Variants in PMM2 observed in about 807,000 individuals in gnomAD.
PMM2 encodes the protein mannose-6-phosphate isomerase.
A neutral mutation model predicts 33.2 loss-of-function variants in PMM2; 35 were observed. The observed-to-expected ratio is 1.06, with a 90% CI of 0.81 to 1.40. The LOEUF is 1.40. Ranked by LOEUF, PMM2 falls within the 40% of genes most tolerant of loss-of-function variation. PMM2 has a pLI of 0.00. For missense variants in PMM2, 386 were observed against 306.0 expected (o/e 1.26, Z -1.95); for synonymous variants, 153 against 114.7 (o/e 1.33, Z -2.13).
At chr16:8,826,470 G>C (rs2060768958) in intron 7 of PMM2, among the ~76,000 whole-genome samples, 2 of 152,048 alleles carry the variant, frequency 1.3e-5, no homozygotes, top group African/African-American at 2.4e-5. Context: ...CTCTAAAGTA[G>C]GTAAATTGAA....
chr16:8,836,120 G>C (rs1010484939), intron 7 of PMM2, among the ~76,000 whole-genome samples: 4 of 151,320 alleles, frequency 2.6e-5, no homozygotes, highest in Non-Finnish European at 5.9e-5. Flanking sequence ...CAACAGTTAC[G>C]GAGGCAAGGG....
intron 7 of PMM2, among the ~76,000 whole-genome samples, chr16:8,826,347 G>A (rs1202230784): frequency 6.6e-6 from 1 of 152,070 alleles, no homozygotes; most frequent in African/African-American, 2.4e-5. Context: ...TACATACCAA[G>A]TGCAGAGCCT....
chr16:8,820,731 C>T (rs1428477581), intron 7 of PMM2, among the ~76,000 whole-genome samples: 2 of 152,184 alleles, frequency 1.3e-5, no homozygotes, highest in Non-Finnish European at 2.9e-5. Flanking sequence ...GGGCCTGACT[C>T]AGGAAAGGCA....
intron 7 of PMM2, among the ~76,000 whole-genome samples, chr16:8,820,226 C>T (rs1247600484): frequency 1.3e-5 from 2 of 151,970 alleles, no homozygotes; most frequent in Admixed American, 1.3e-4. Context: ...ACAAAATTAG[C>T]TTAAAAGAGG....
At chr16:8,807,681 G>C (rs1275365716) in intron 4 of PMM2, 1 of 152,528 alleles carries the variant, frequency 6.6e-6, no homozygotes. Flanking sequence ...TTTTTGTAGA[G>C]ATAGGGTCTT....
intron 7 of PMM2, among the ~76,000 whole-genome samples, chr16:8,836,711 T>G (rs1310854942): frequency 6.6e-6 from 1 of 152,144 alleles, no homozygotes; most frequent in Non-Finnish European, 1.5e-5. Context: ...GCAGATTGGG[T>G]AATAAAATGT....
intron 7 of PMM2, chr16:8,832,056 A>C: frequency 1.3e-6 from 1 of 785,434 alleles, no homozygotes; most frequent in Non-Finnish European, 1.5e-6. Context: ...CTCTAGCCTT[A>C]TTATTCTAGA....
At chr16:8,843,959 A>C (rs568870933) in intron 7 of PMM2, among the ~76,000 whole-genome samples, 1 of 152,174 alleles carries the variant, frequency 6.6e-6, no homozygotes, top group East Asian at 1.9e-4. Flanking sequence ...GGCGGGAGGG[A>C]AAGAAGGAAG....
intron 1 of PMM2, among the ~76,000 whole-genome samples, chr16:8,798,268 G>T (rs1233573479): frequency 6.6e-6 from 1 of 152,144 alleles, no homozygotes. Context: ...CCAAGATCAG[G>T]CCCCCTTATC....
At chr16:8,832,668 A>AC in intron 7 of PMM2, 1 of 985,074 alleles carries the variant, frequency 1.0e-6, no homozygotes, top group Non-Finnish European at 1.2e-6. Flanking sequence ...TTGCGTCCTC[A>AC]CCCCGCACCC....
At chr16:8,802,428 AATGTAGC>A (rs2060621782) in intron 2 of PMM2, 1 of 383,830 alleles carries the variant, frequency 2.6e-6, no homozygotes. Flanking sequence ...CAACCTTGCT[AATGTAGC>A]ATTCTGTAAT....
intron 7 of PMM2, among the ~76,000 whole-genome samples, chr16:8,820,773 A>G (rs1353792613): frequency 1.3e-5 from 2 of 152,188 alleles, no homozygotes; most frequent in African/African-American, 4.8e-5. Flanking sequence ...CTGGTCCACA[A>G]CCAGCGTCTG....
intron 7 of PMM2, among the ~76,000 whole-genome samples, chr16:8,825,978 A>G (rs1339026030): frequency 1.3e-5 from 2 of 151,916 alleles, no homozygotes; most frequent in African/African-American, 2.4e-5. Context: ...CTGGTTTCGA[A>G]CTTCTGACCT....
At chr16:8,809,277 G>A (rs917543245) in intron 4 of PMM2, 1 of 152,116 alleles carries the variant, frequency 6.6e-6, no homozygotes, top group African/African-American at 2.4e-5. Flanking sequence ...AAAAGATGAG[G>A]GAAAATGTTT....
At chr16:8,835,258 G>A (rs12927499) in intron 7 of PMM2, among the ~76,000 whole-genome samples, 1 of 150,908 alleles carries the variant, frequency 6.6e-6, no homozygotes, top group African/African-American at 2.4e-5. Flanking sequence ...GTTTTGTAAG[G>A]GATTGAGGTT....
chr16:8,846,005 C>A (rs924693873), intron 7 of PMM2, among the ~76,000 whole-genome samples: 3 of 152,148 alleles, frequency 2.0e-5, no homozygotes, highest in African/African-American at 7.2e-5. Context: ...CAGATGGTGG[C>A]CATGCAATTC....
intron 2 of PMM2, among the ~76,000 whole-genome samples, chr16:8,804,291 C>G (rs1176554059): frequency 2.6e-5 from 4 of 152,084 alleles, no homozygotes; most frequent in Non-Finnish European, 5.9e-5. Context: ...CCCCGCCAGC[C>G]TCAGCCTCCC....
At chr16:8,802,091 G>C (rs1314708552) in intron 2 of PMM2, 181 bp downstream of exon 2, 4 of 592,638 alleles carry the variant, frequency 6.7e-6, no homozygotes, top group Non-Finnish European at 9.5e-6. Flanking sequence ...TACATTTCTG[G>C]AGTTACTGAT....
intron 3 of PMM2, among the ~76,000 whole-genome samples, chr16:8,805,595 TTTC>T (rs1473392746): frequency 2.6e-5 from 4 of 151,958 alleles, no homozygotes; most frequent in Admixed American, 2.6e-4. Context: ...CATTTTTTTT[TTTC>T]TTTTTTCTTT....
Sources: gnomAD v4.1 joint callset for allele counts (sites outside exome capture counted in the v4.1 genomes callset) on GRCh38, gnomAD v4.1.1 for gene constraint, MANE v1.5 for transcripts, NCBI Gene and HGNC (gene_info 2026-07-23, HGNC 2026-07-21) for gene names.